DAPP1: variants seen among roughly 807,000 people sequenced by gnomAD.
DAPP1 encodes the protein dual adapter for phosphotyrosine and 3-phosphotyrosine and 3-phosphoinositide.
DAPP1 carries 20 observed loss-of-function variants against 41.5 expected under a neutral mutation model. The ratio of observed to expected loss-of-function variants is 0.48; its 90% CI spans 0.34 to 0.70. The LOEUF is 0.70. Among genes scored for constraint, DAPP1 ranks in the 30% least tolerant of loss-of-function variants. The pLI is 0.01. For synonymous variants in DAPP1, 113 were observed against 116.2 expected (o/e 0.97, Z 0.18); for missense variants, 233 against 333.4 (o/e 0.70, Z 2.35).
chr4:99,837,509 T>C (rs970823139), intron 2 of DAPP1, among the ~76,000 whole-genome samples: 1 of 152,198 alleles, frequency 6.6e-6, no homozygotes, highest in Non-Finnish European at 1.5e-5. Context: ...ATTTTCTGAA[T>C]AACATAGATG....
At chr4:99,837,094 C>A (rs1191199877) in intron 2 of DAPP1, among the ~76,000 whole-genome samples, 1 of 152,212 alleles carries the variant, frequency 6.6e-6, no homozygotes, top group Non-Finnish European at 1.5e-5. Flanking sequence ...GCATGCCAGC[C>A]AGAACACATC....
At chr4:99,843,157 G>A (rs1352568096) in intron 3 of DAPP1, among the ~76,000 whole-genome samples, 1 of 152,194 alleles carries the variant, frequency 6.6e-6, no homozygotes, top group Non-Finnish European at 1.5e-5. Flanking sequence ...TAGAGGGTAA[G>A]TTTATTAAAG....
chr4:99,820,749 C>T (rs888318870), intron 1 of DAPP1, among the ~76,000 whole-genome samples: 2 of 152,200 alleles, frequency 1.3e-5, no homozygotes, highest in African/African-American at 2.4e-5. Context: ...CAACTACTCA[C>T]ATCTGCTGTT....
At chr4:99,862,709 A>G (rs1023365938) in intron 5 of DAPP1, among the ~76,000 whole-genome samples, 3 of 148,712 alleles carry the variant, frequency 2.0e-5, no homozygotes, top group Non-Finnish European at 4.5e-5. Context: ...TATACTAATG[A>G]TATATCTGCC....
intron 3 of DAPP1, among the ~76,000 whole-genome samples, chr4:99,851,050 G>A (rs993162151): frequency 1.4e-4 from 22 of 152,286 alleles, no homozygotes; most frequent in African/African-American, 4.6e-4. Context: ...ACATCACTGG[G>A]AGTGTTTCTT....
intron 4 of DAPP1, among the ~76,000 whole-genome samples, chr4:99,859,764 A>G (rs1213327597): frequency 6.6e-6 from 1 of 152,060 alleles, no homozygotes; most frequent in Non-Finnish European, 1.5e-5. Context: ...ACCTAGCCCA[A>G]CTTGGCTCTG....
chr4:99,825,245 G>C (rs1301422918), intron 1 of DAPP1, among the ~76,000 whole-genome samples: 1 of 151,996 alleles, frequency 6.6e-6, no homozygotes, highest in African/African-American at 2.4e-5. Context: ...GCAGCTCTTT[G>C]ACTTTTGTGT....
intron 1 of DAPP1, among the ~76,000 whole-genome samples, chr4:99,819,584 G>A (rs980924601): frequency 3.3e-5 from 5 of 152,048 alleles, no homozygotes; most frequent in East Asian, 1.9e-4. Flanking sequence ...AACCACTGGC[G>A]AGATAGAATC....
At chr4:99,823,264 T>C (rs1344177387) in intron 1 of DAPP1, among the ~76,000 whole-genome samples, 1 of 152,130 alleles carries the variant, frequency 6.6e-6, no homozygotes, top group Non-Finnish European at 1.5e-5. Context: ...ACATTGATGC[T>C]ATTTTTCTAC....
chr4:99,847,288 C>G (rs1295459616), intron 3 of DAPP1, among the ~76,000 whole-genome samples: 1 of 152,160 alleles, frequency 6.6e-6, no homozygotes, highest in Non-Finnish European at 1.5e-5. Flanking sequence ...ATTTCAGATA[C>G]CAAACCAATG....
downstream of DAPP1, among the ~76,000 whole-genome samples, chr4:99,870,355 A>T (rs1400336338): frequency 6.7e-6 from 1 of 149,738 alleles, no homozygotes; most frequent in Non-Finnish European, 1.5e-5. Context: ...ATGCGTGTAT[A>T]TATATATACA....
chr4:99,822,120 T>G (rs1722792933), intron 1 of DAPP1, among the ~76,000 whole-genome samples: 1 of 152,214 alleles, frequency 6.6e-6, no homozygotes, highest in South Asian at 2.1e-4. Context: ...CAGTTCCATC[T>G]CTTCATAACT....
chr4:99,842,582 C>T (rs1723528718), intron 3 of DAPP1, among the ~76,000 whole-genome samples: 1 of 152,224 alleles, frequency 6.6e-6, no homozygotes, highest in Non-Finnish European at 1.5e-5. Flanking sequence ...GTGTTCAAAT[C>T]TTGCCCCTCT....
intron 3 of DAPP1, among the ~76,000 whole-genome samples, chr4:99,842,290 T>C (rs1723519903): frequency 6.6e-6 from 1 of 152,262 alleles, no homozygotes; most frequent in South Asian, 2.1e-4. Flanking sequence ...TGTATTATTA[T>C]CTTGACTACA....
chr4:99,817,171 A>G (rs1722616315), intron 1 of DAPP1, among the ~76,000 whole-genome samples, 157 bp downstream of exon 1: 1 of 152,186 alleles, frequency 6.6e-6, no homozygotes, highest in Non-Finnish European at 1.5e-5. Flanking sequence ...GTATCTGTTA[A>G]GTATCTTCTT....
intron 3 of DAPP1, among the ~76,000 whole-genome samples, chr4:99,841,722 G>T (rs888539187): frequency 6.6e-6 from 1 of 152,146 alleles, no homozygotes; most frequent in Non-Finnish European, 1.5e-5. Context: ...TAAAGCCAGG[G>T]TTTTGTTTTG....
At chr4:99,841,677 C>A (rs1723500789) in intron 3 of DAPP1, among the ~76,000 whole-genome samples, 1 of 152,140 alleles carries the variant, frequency 6.6e-6, no homozygotes, top group South Asian at 2.1e-4. Context: ...TGATTTTGTT[C>A]AGTTATTGGT....
intron 3 of DAPP1, among the ~76,000 whole-genome samples, chr4:99,852,529 C>A (rs1723899518): frequency 6.6e-6 from 1 of 152,118 alleles, no homozygotes; most frequent in South Asian, 2.1e-4. Flanking sequence ...CTTTTTCTGC[C>A]TGGAGGCTCC....
At position 99,868,193 on chromosome 4, in the gene DAPP1, T is replaced by A. The variant is rs1451041456; in HGVS notation, c.*8T>A. On this transcript the variant is annotated 3_prime_UTR_variant, in exon 9 of 9. Coordinates refer to ENST00000512369, the MANE Select transcript of DAPP1 (RefSeq NM_014395.3). ...TCGTTCATCTTTAAATAGATCTTTC[T>A]TGCCAAGGAATGCTCTGGCCCAGGA... 1.2e-6 allele frequency: 2 copies of A among 1,613,040 alleles called. No individual in the cohort carries two copies. Among genetic ancestry groups the A allele is most frequent in the Admixed American group, 3.3e-5 (2 of 60,004 alleles).
Sources: allele counts gnomAD v4.1 joint callset (sites outside exome capture counted in the v4.1 genomes callset), GRCh38; gene constraint gnomAD v4.1.1; transcripts MANE v1.5; gene names NCBI Gene and HGNC (gene_info 2026-07-23, HGNC 2026-07-21).